EXD3: variants seen among roughly 807,000 people sequenced by gnomAD.
EXD3 encodes exonuclease mut-7 homolog.
In EXD3, 92 loss-of-function variants were observed where a neutral mutation model predicts 98.0. The ratio of observed to expected loss-of-function variants is 0.94; its 90% CI spans 0.79 to 1.12. The LOEUF is 1.12. EXD3 is among the 50% of genes most tolerant of loss of function. The pLI is 0.00. For missense variants in EXD3, 1,222 were observed against 1,191.6 expected (o/e 1.03, Z -0.38); for synonymous variants, 569 against 526.0 (o/e 1.08, Z -1.12).
At chr9:137,392,712 G>A (rs1406515748) in intron 2 of EXD3, 1 of 347,742 alleles carries the variant, frequency 2.9e-6, no homozygotes, top group South Asian at 2.2e-5. Context: ...TGGGGGGGCT[G>A]TGTCTGTTCC....
In EXD3 at chr9:137,352,209, G is replaced by T; in HGVS notation, c.1038-8C>A. 1 of 1,612,450 alleles carries T rather than the reference G, an allele frequency of 6.2e-7. No homozygotes were observed. The highest frequency in any genetic ancestry group is 2.2e-5 in the East Asian group (1 of 44,876). On this transcript the variant is annotated splice_polypyrimidine_tract_variant and splice_region_variant and intron_variant, in intron 11 of 21. Coordinates refer to ENST00000340951, the MANE Select transcript of EXD3 (RefSeq NM_017820.5). ...GAGTCAGCCTCAGTCGCCCTGGGAG[G>T]AGCAGAGCTGGTAGCGCCCCCATGT...
At chr9:137,378,785 G>A (rs1409501280) in intron 3 of EXD3, among the ~76,000 whole-genome samples, 1 of 152,246 alleles carries the variant, frequency 6.6e-6, no homozygotes, top group Admixed American at 6.5e-5. Flanking sequence ...GAACTGTCCA[G>A]AAGTGGCAAA....
At chr9:137,406,866 C>T (rs960864763) in intron 1 of EXD3, among the ~76,000 whole-genome samples, 33 of 152,222 alleles carry the variant, frequency 2.2e-4, no homozygotes, top group Admixed American at 1.8e-3. Flanking sequence ...TGCAGCCCGT[C>T]CCCCCTCAGC....
chr9:137,387,222 C>A (rs113387210), intron 2 of EXD3, among the ~76,000 whole-genome samples: 12 of 152,226 alleles, frequency 7.9e-5, no homozygotes, highest in African/African-American at 2.9e-4. Context: ...GTGGCCTCAA[C>A]GCTGAGCCCC....
At chr9:137,317,134 A>C (rs1831717605) in intron 19 of EXD3, among the ~76,000 whole-genome samples, 1 of 152,020 alleles carries the variant, frequency 6.6e-6, no homozygotes, top group African/African-American at 2.4e-5. Flanking sequence ...GCCTGTGAGG[A>C]GGCTGAGGCT....
intron 19 of EXD3, among the ~76,000 whole-genome samples, chr9:137,316,391 C>T (rs1445698244): frequency 6.6e-6 from 1 of 152,062 alleles, no homozygotes; most frequent in Non-Finnish European, 1.5e-5. Context: ...CACCCTCCTT[C>T]CCAGGGGCCG....
At chr9:137,382,230 A>C in intron 3 of EXD3, among the ~76,000 whole-genome samples, 1 of 152,018 alleles carries the variant, frequency 6.6e-6, no homozygotes, top group African/African-American at 2.4e-5. Context: ...CCCCATGAAG[A>C]TGAAATGCCT....
intron 19 of EXD3, among the ~76,000 whole-genome samples, chr9:137,319,340 G>A (rs1831899582): frequency 6.6e-6 from 1 of 152,230 alleles, no homozygotes; most frequent in African/African-American, 2.4e-5. Context: ...CCGGGGCCCG[G>A]CCTCCATTGT....
intron 1 of EXD3, among the ~76,000 whole-genome samples, chr9:137,401,701 G>A (rs374247800): frequency 3.3e-5 from 5 of 152,320 alleles, no homozygotes; most frequent in East Asian, 3.9e-4. Flanking sequence ...TTTCAGCCAC[G>A]GCTGGAGTGT....
rs187574187 is a variant in EXD3, at chr9:137,405,882, G to A, written c.-47-10478C>T. 1.5e-3 allele frequency among the ~76,000 whole-genome samples: 223 copies of A among 152,320 alleles called. No homozygotes were observed. Among genetic ancestry groups the A allele is most frequent in the African/African-American group, 5.0e-3 (208 of 41,570 alleles). ...CGCTGCCCACAGACACCTTGCCCGTGCCCCAATGCCAGGCAGAGGCCTCTG... is the reference window on the plus strand; with the variant it reads ...CGCTGCCCACAGACACCTTGCCCGTACCCCAATGCCAGGCAGAGGCCTCTG... On this transcript the variant is annotated intron_variant, in intron 1 of 21. Coordinates refer to ENST00000340951, the MANE Select transcript of EXD3 (RefSeq NM_017820.5). This position sits in a 1 kb window ranked among gnomAD's most constrained non-coding sequence, Gnocchi z 4.1.
In EXD3 at chr9:137,407,058, G is replaced by A. The variant is rs1288372381; in HGVS notation, c.-47-11654C>T. Among the ~76,000 whole-genome samples, 3 of 152,162 alleles carry A rather than the reference G, an allele frequency of 2.0e-5. No individual in the cohort carries two copies. The highest frequency in any genetic ancestry group is 1.9e-4 in the East Asian group (1 of 5,180). On this transcript the variant is annotated intron_variant, in intron 1 of 21. Coordinates refer to ENST00000340951, the MANE Select transcript of EXD3 (RefSeq NM_017820.5). This position sits in a 1 kb window ranked among gnomAD's most constrained non-coding sequence, Gnocchi z 4.4. ...GGCCAGAACGCTCGCCAGCAAACCC[G>A]CCCGTTCACAGAGGCACCGGAGCGG...
rs1260157715 is a variant in EXD3, at chr9:137,407,875, C to T, written c.-47-12471G>A. On this transcript the variant is annotated intron_variant, in intron 1 of 21. Transcript: ENST00000340951. This position sits in a 1 kb window ranked among gnomAD's most constrained non-coding sequence, Gnocchi z 4.4. ...CACAGCAAAGGGTCTGGGGGGAGGC[C>T]GGAGGGGGCTTTCCCCTTGGGCACC... 6.6e-6 allele frequency among the ~76,000 whole-genome samples: 1 copy of T among 151,960 alleles called. No individual in the cohort carries two copies. The highest frequency in any genetic ancestry group is 1.5e-5 in the Non-Finnish European group (1 of 67,948).
At chr9:137,397,394 T>C (rs1837268679) in intron 1 of EXD3, among the ~76,000 whole-genome samples, 1 of 152,132 alleles carries the variant, frequency 6.6e-6, no homozygotes, top group African/African-American at 2.4e-5. Context: ...TTCAAGGGAC[T>C]CAGCCAGAAG....
intron 1 of EXD3, among the ~76,000 whole-genome samples, chr9:137,413,256 A>G (rs1838085662): frequency 6.6e-6 from 1 of 151,854 alleles, no homozygotes; most frequent in Non-Finnish European, 1.5e-5. Flanking sequence ...GCTGGAGTGC[A>G]GTGGCGTGAT....
chr9:137,383,207 C>A (rs1175206389), intron 3 of EXD3, 106 bp downstream of exon 3: 3 of 922,934 alleles, frequency 3.3e-6, no homozygotes, highest in East Asian at 5.4e-5. Flanking sequence ...CCGTGGGGGG[C>A]TGTGCAGCTT....
chr9:137,410,828 G>A lies in EXD3; in HGVS notation c.-48+12286C>T, dbSNP rs564146846. ...CGAGGGCTGTGTCCTTTCCCACAGA[G>A]CCTGGCAGACCCCCAGGGCCTGAGT... On this transcript the variant is annotated intron_variant, in intron 1 of 21. Coordinates refer to ENST00000340951, the MANE Select transcript of EXD3 (RefSeq NM_017820.5). 1.3e-4 allele frequency among the ~76,000 whole-genome samples: 20 copies of A among 152,304 alleles called. No homozygotes were observed. The South Asian group carries it at 3.7e-3, about 28-fold the overall frequency.
intron 19 of EXD3, among the ~76,000 whole-genome samples, chr9:137,310,006 C>G (rs944418853): frequency 1.3e-5 from 2 of 152,250 alleles, no homozygotes; most frequent in African/African-American, 4.8e-5. Context: ...AGAACCAGGT[C>G]TGGGTCCCCC....
chr9:137,328,053 C>A (rs371824923), intron 17 of EXD3, among the ~76,000 whole-genome samples: 2 of 125,878 alleles, frequency 1.6e-5, no homozygotes, highest in Non-Finnish European at 3.3e-5. Context: ...TAAACACCCA[C>A]ATGATGAGTA....
At chr9:137,343,562 T>C (rs1301650774) in intron 17 of EXD3, 2 of 142,520 alleles carry the variant, frequency 1.4e-5, no homozygotes, top group Non-Finnish European at 3.0e-5. Context: ...CATCTCACCA[T>C]GGACTACTGT....
Sources: allele counts gnomAD v4.1 joint callset (sites outside exome capture counted in the v4.1 genomes callset), GRCh38; gene constraint gnomAD v4.1.1; non-coding constraint Gnocchi (gnomAD v3.1); transcripts MANE v1.5; gene names NCBI Gene and HGNC (gene_info 2026-07-23, HGNC 2026-07-21).